Variants in VPS13B observed in about 807,000 individuals in gnomAD.
VPS13B encodes vacuolar protein sorting 13 homolog B, also known as intermembrane lipid transfer protein VPS13B.
In VPS13B, 285 loss-of-function variants were observed where a neutral mutation model predicts 426.4. That is an observed-to-expected ratio of 0.67 (90% CI 0.61 to 0.74). VPS13B has a LOEUF of 0.74. Among genes scored for constraint, VPS13B ranks in the 30% least tolerant of loss-of-function variants. The pLI is 0.00. For missense variants in VPS13B, 4,537 were observed against 4,782.6 expected (o/e 0.95, Z 1.51); for synonymous variants, 1,676 against 1,676.4 (o/e 1.00, Z 0.01).
intron 3 of VPS13B, among the ~76,000 whole-genome samples, chr8:99,057,798 C>A (rs572476379): frequency 1.4e-4 from 22 of 152,252 alleles, no homozygotes; most frequent in Admixed American, 9.8e-4. Flanking sequence ...CTGAGGTCGT[C>A]CTTAACTTTA....
intron 3 of VPS13B, among the ~76,000 whole-genome samples, chr8:99,056,446 A>C (rs1444420500): frequency 6.6e-6 from 1 of 152,130 alleles, no homozygotes; most frequent in East Asian, 1.9e-4. Flanking sequence ...GATTTTCTAT[A>C]TATAGAGTCA....
At chr8:99,257,859 T>C (rs2132941702) in intron 17 of VPS13B, among the ~76,000 whole-genome samples, 1 of 151,970 alleles carries the variant, frequency 6.6e-6, no homozygotes, top group East Asian at 1.9e-4. Flanking sequence ...CCTCTTGGGC[T>C]GTCAGAATAT....
chr8:99,685,235 T>C (rs944999946), intron 35 of VPS13B, among the ~76,000 whole-genome samples: 1 of 152,386 alleles, frequency 6.6e-6, no homozygotes, highest in African/African-American at 2.4e-5. Context: ...GTGGGCAATA[T>C]GCATATGGAA....
In VPS13B at chr8:99,102,934, CT is replaced by C. The variant is rs771680065; in HGVS notation, c.413-12del. 8.2e-6 allele frequency: 13 copies of C among 1,581,144 alleles called. No homozygotes were observed. The highest frequency in any genetic ancestry group is 4.4e-5 in the South Asian group (4 of 90,090). On this transcript the variant is annotated intron_variant, in intron 4 of 61. Coordinates refer to ENST00000357162, the MANE Select transcript of VPS13B (RefSeq NM_152564.5). ...TGAGAGATTTGTGGCTAATTAAATT[CT>C]TTTTTTCTATTTTATAGGTTATGTG...
At chr8:99,797,291 G>A (rs1170717935) in intron 43 of VPS13B, among the ~76,000 whole-genome samples, 1 of 151,502 alleles carries the variant, frequency 6.6e-6, no homozygotes, top group Non-Finnish European at 1.5e-5. Flanking sequence ...CCAGGCTGGA[G>A]TGCAGTGGCA....
intron 24 of VPS13B, among the ~76,000 whole-genome samples, chr8:99,475,278 G>A (rs1041613642): frequency 1.3e-5 from 2 of 152,180 alleles, no homozygotes; most frequent in South Asian, 4.1e-4. Context: ...GGAAGATACA[G>A]AACTGTTGTT....
intron 22 of VPS13B, among the ~76,000 whole-genome samples, chr8:99,441,718 T>C (rs540998890): frequency 6.6e-5 from 10 of 152,228 alleles, no homozygotes; most frequent in Middle Eastern, 6.8e-3. Flanking sequence ...CTACTGGGGA[T>C]AGGAGAACAT....
At chr8:99,852,878 A>G (rs1816364067) in intron 55 of VPS13B, among the ~76,000 whole-genome samples, 2 of 152,044 alleles carry the variant, frequency 1.3e-5, no homozygotes, top group Admixed American at 6.5e-5. Flanking sequence ...AAGATGATGG[A>G]GGAAAGGGGT....
chr8:99,717,194 C>A lies in VPS13B; in HGVS notation c.6478C>A (p.Leu2160Ile). The A allele has an allele frequency of 6.2e-7, 1 of 1,613,332 alleles. No homozygotes were observed. Among genetic ancestry groups the A allele is most frequent in the South Asian group, 1.1e-5 (1 of 91,056 alleles). The change falls in exon 37 of 62, where the codon CTA becomes ATA. Residue 2160 changes from leucine (L) to isoleucine (I), a missense_variant. Coordinates refer to ENST00000357162, the MANE Select transcript of VPS13B (RefSeq NM_152564.5). ...AGGCATAATTCTTGGGTCATCATTTCTACTCAGTATAAACGATTTTCTCCT... is the reference window on the plus strand; with the variant it reads ...AGGCATAATTCTTGGGTCATCATTTATACTCAGTATAAACGATTTTCTCCT... Reference protein sequence around the residue: ...VPGIILGSSFLLSINDFLLKT... With the variant: ...VPGIILGSSFILSINDFLLKT...
chr8:99,130,340 T>C (rs530048388), intron 8 of VPS13B, among the ~76,000 whole-genome samples: 8 of 151,908 alleles, frequency 5.3e-5, no homozygotes, highest in African/African-American at 1.9e-4. Flanking sequence ...AAATTAAATC[T>C]AGCATTTTTC....
At chr8:99,376,949 A>G (rs1281742510) in intron 19 of VPS13B, among the ~76,000 whole-genome samples, 3 of 152,080 alleles carry the variant, frequency 2.0e-5, no homozygotes, top group Non-Finnish European at 4.4e-5. Context: ...TTTCAATGTA[A>G]CATTAGGTAT....
At chr8:99,540,057 A>T (rs1261348515) in intron 30 of VPS13B, among the ~76,000 whole-genome samples, 7 of 5,532 alleles carry the variant, frequency 1.3e-3, no homozygotes, top group African/African-American at 1.9e-3. Flanking sequence ...ATATATATAT[A>T]TATATATTTT....
chr8:99,376,774 T>C (rs1244809383), intron 19 of VPS13B, among the ~76,000 whole-genome samples: 1 of 152,120 alleles, frequency 6.6e-6, no homozygotes, highest in Non-Finnish European at 1.5e-5. Context: ...TGCATACATT[T>C]AAATTTATAT....
intron 34 of VPS13B, among the ~76,000 whole-genome samples, chr8:99,646,507 A>T (rs1444672828): frequency 1.3e-5 from 2 of 152,188 alleles, no homozygotes; most frequent in Non-Finnish European, 2.9e-5. Flanking sequence ...CCTGGATGAC[A>T]GATTGAGACC....
intron 2 of VPS13B, among the ~76,000 whole-genome samples, chr8:99,034,682 G>T (rs993604999): frequency 6.6e-6 from 1 of 152,088 alleles, no homozygotes; most frequent in African/African-American, 2.4e-5. Flanking sequence ...TTTTGGGCTG[G>T]TTTGCTGTTT....
At chr8:99,321,810 T>G (rs906554352) in intron 19 of VPS13B, among the ~76,000 whole-genome samples, 5 of 152,222 alleles carry the variant, frequency 3.3e-5, no homozygotes, top group African/African-American at 1.2e-4. Flanking sequence ...TATGGGATAT[T>G]GAGAACATTA....
chr8:99,868,857 T>G (rs1817244029), intron 59 of VPS13B, among the ~76,000 whole-genome samples: 1 of 152,198 alleles, frequency 6.6e-6, no homozygotes, highest in Admixed American at 6.5e-5. Flanking sequence ...AGACAGAGTG[T>G]GGATGTGCAC....
At position 99,823,873 on chromosome 8, in the gene VPS13B, A is replaced by G; in HGVS notation, c.9225A>G (p.Ile3075Met). 6.2e-7 allele frequency: 1 copy of G among 1,613,722 alleles called. No homozygotes were observed. The highest frequency in any genetic ancestry group is 8.5e-7 in the Non-Finnish European group (1 of 1,179,820). ...TTTCCTCCATGGTACAGCAAGGTATACAAATTATTCAGATTGAAGACAAGA... is the reference window on the plus strand; with the variant it reads ...TTTCCTCCATGGTACAGCAAGGTATGCAAATTATTCAGATTGAAGACAAGA... The part of the protein sequence containing the change: ...FCISSMVQQG[I>M]QIIQIEDKTT... The change falls in exon 51 of 62, where the codon ATA becomes ATG. Residue 3075 changes from isoleucine to methionine, a missense_variant. By Grantham distance (10) the Ile-to-Met change is conservative (BLOSUM62 1). Coordinates refer to ENST00000357162, the MANE Select transcript of VPS13B (RefSeq NM_152564.5).
At chr8:99,136,615 A>G in intron 11 of VPS13B, 50 bp from the exon 12 acceptor site, 4 of 1,599,792 alleles carry the variant, frequency 2.5e-6, no homozygotes, top group South Asian at 2.2e-5. Context: ...TTTAAACTCA[A>G]AAGTTTCTTT....
Sources: allele counts gnomAD v4.1 joint callset (sites outside exome capture counted in the v4.1 genomes callset), GRCh38; gene constraint gnomAD v4.1.1; transcripts MANE v1.5; gene names NCBI Gene and HGNC (gene_info 2026-07-23, HGNC 2026-07-21).